CCDC197: variants seen among roughly 807,000 people sequenced by gnomAD.
The protein encoded by CCDC197 is coiled-coil domain containing 197.
Under a neutral mutation model 13.4 loss-of-function variants are expected in CCDC197, and 24 were observed. The ratio of observed to expected loss-of-function variants is 1.80; its 90% CI spans 1.30 to 2.53. The LOEUF (loss-of-function observed/expected upper bound fraction) is 2.53. Ranked by LOEUF, CCDC197 falls within the 30% of genes most tolerant of loss-of-function variation. CCDC197 has a pLI of 0.00. For missense variants in CCDC197, 255 were observed against 148.8 expected, an observed-to-expected ratio of 1.71 and a Z score of -3.71; for synonymous variants, 99 against 55.5, an observed-to-expected ratio of 1.78 and a Z score of -3.48.
In CCDC197 at chr14:94,003,865, C is replaced by T. The variant is rs987731720; in HGVS notation, c.498+511C>T. ...TCTGCCAAGAACCAGAGCCGGGATC[C>T]ACCGGCCCAGTCCCAGGGCTTGGTG... On this transcript the variant is annotated intron_variant, in intron 5 of 6. Transcript: ENST00000636493. This position sits in a 1 kb window ranked among gnomAD's most constrained non-coding sequence, Gnocchi z 5.0. 1.3e-5 allele frequency among the ~76,000 whole-genome samples: 2 copies of T among 152,172 alleles called. No individual in the cohort carries two copies. The highest frequency in any genetic ancestry group is 3.9e-4 in the East Asian group (2 of 5,188).
chr14:93,988,846 G>C (rs1184377361), intron 1 of CCDC197, among the ~76,000 whole-genome samples: 2 of 142,116 alleles, frequency 1.4e-5, no homozygotes, highest in African/African-American at 5.3e-5. Context: ...ATGGGAGGAG[G>C]GGATGGGAGG....
upstream of CCDC197, among the ~76,000 whole-genome samples, chr14:93,994,395 G>A (rs1890251046): frequency 6.6e-6 from 1 of 152,150 alleles, no homozygotes; most frequent in Non-Finnish European, 1.5e-5. Context: ...TCTGCAAAAT[G>A]GAGCAGTGCT....
Position 94,001,236 on chromosome 14 carries a change from G to A in CCDC197, c.279G>A (p.Gln93=), listed in dbSNP as rs763010876. Residue 93 remains glutamine (Q), a synonymous_variant, in exon 4 of 7, where the codon CAG becomes CAA. Coordinates refer to ENST00000636493, the MANE Select transcript of CCDC197 (RefSeq NM_001351596.2). ...TCTTCACAGCCAGCCAGGACACGCA[G>A]AAGCGCCTCGAGGCCTTCTGCCAGA... ...GKLFTASQDT[Q]KRLEAFCQMI... is the part of the protein sequence containing the mutation. The A allele has an allele frequency of 1.3e-6, 1 of 780,932 alleles. No homozygotes were observed. The highest frequency in any genetic ancestry group is 1.3e-5 in the South Asian group (1 of 74,608). 48.4% of individuals were successfully genotyped at this position (780,932 alleles called of 1,614,324 possible).
rs1052835483 is a variant in CCDC197 at position 94,003,452 on chromosome 14, C to T, written c.498+98C>T. 1.1e-4 allele frequency: 69 copies of T among 643,176 alleles called. No homozygotes were observed. The highest frequency in any genetic ancestry group is 5.7e-4 in the Admixed American group (27 of 46,958). The allele number at this position is 643,176 out of a possible 1,614,324, so 39.8% of individuals were successfully genotyped here. ...CCCAAAACACACAGACACATACGCACGCAGACACACACACACAGAGCCAGA... is the reference window on the plus strand; with the variant it reads ...CCCAAAACACACAGACACATACGCATGCAGACACACACACACAGAGCCAGA... On this transcript the variant is annotated intron_variant, in intron 5 of 6. Transcript: ENST00000636493. This position sits in a 1 kb window ranked among gnomAD's most constrained non-coding sequence, Gnocchi z 5.0.
chr14:94,002,231 T>C (rs576206472), intron 4 of CCDC197, among the ~76,000 whole-genome samples: 2 of 152,238 alleles, frequency 1.3e-5, no homozygotes, highest in East Asian at 3.9e-4. Flanking sequence ...TCTTTCTCTC[T>C]CTCTTTCTTT....
Position 94,008,756 on chromosome 14 carries a change from A to ACCCCCAGGACCC in CCDC197, c.766_777dup (p.Pro256_Pro259dup), listed in dbSNP as rs1399942441. 14 of 702,338 alleles carry ACCCCCAGGACCC rather than the reference A, an allele frequency of 2.0e-5. No individual in the cohort carries two copies. The East Asian group carries it at 3.5e-4, about 17-fold the overall frequency. The allele number at this position is 702,338 out of a possible 1,614,324, so 43.5% of individuals were successfully genotyped here. A position where few individuals can be genotyped will look rare whatever the true frequency, so the allele number is the denominator to read the frequency against. On this transcript the variant is annotated inframe_insertion, in exon 7 of 7. Coordinates refer to ENST00000636493, the MANE Select transcript of CCDC197 (RefSeq NM_001351596.2). ...GAAATGTCCAAGGAGGCGGGTTTCC[A>ACCCCCAGGACCC]CCCCCAGGACCCCCTTTCCCAGCCC...
At chr14:94,002,790 T>C (rs376345497) in intron 4 of CCDC197, among the ~76,000 whole-genome samples, 1 of 142,158 alleles carries the variant, frequency 7.0e-6, no homozygotes, top group African/African-American at 2.6e-5. Flanking sequence ...GAGGCGGAGG[T>C]CGCAGTAAGC....
intron 4 of CCDC197, among the ~76,000 whole-genome samples, chr14:94,002,354 T>A (rs1418080408): frequency 1.3e-5 from 2 of 152,070 alleles, no homozygotes; most frequent in Admixed American, 6.6e-5. Flanking sequence ...AGTGGAGTGA[T>A]CTCGGCTTAC....
Position 94,005,401 on chromosome 14 carries a change from A to G in CCDC197, c.615+430A>G, listed in dbSNP as rs557555561. 6.4e-4 allele frequency among the ~76,000 whole-genome samples: 97 copies of G among 152,300 alleles called. 2 individuals carry two copies. In the South Asian group the frequency reaches 0.019, roughly 31 times the overall value. ...AACAGGTATGATCACACTTACACAT[A>G]TGAGAACGCTGGCAGCGGGCATTTC... On this transcript the variant is annotated intron_variant, in intron 6 of 6. Transcript: ENST00000636493.
upstream of CCDC197, among the ~76,000 whole-genome samples, chr14:93,993,970 C>T (rs1309986008): frequency 6.6e-6 from 1 of 152,164 alleles, no homozygotes; most frequent in African/African-American, 2.4e-5. Flanking sequence ...TCCTTTCACC[C>T]TCCATGTAAG....
intron 1 of CCDC197, among the ~76,000 whole-genome samples, chr14:93,990,727 G>C (rs931492840): frequency 2.0e-5 from 3 of 152,222 alleles, no homozygotes; most frequent in Admixed American, 6.5e-5. Context: ...CTTGGCTGGA[G>C]AGCATTCAGG....
chr14:93,987,951 G>A (rs755254570), intron 1 of CCDC197, among the ~76,000 whole-genome samples: 5 of 144,218 alleles, frequency 3.5e-5, no homozygotes, highest in Non-Finnish European at 7.6e-5. Context: ...GGGAAGGAGG[G>A]AGTGGGGGAG....
At chr14:94,000,972 G>A in intron 3 of CCDC197, 173 bp from the exon 4 acceptor site, 1 of 457,924 alleles carries the variant, frequency 2.2e-6, no homozygotes. Flanking sequence ...GAGGGCGGGG[G>A]GGCGGGTGTG....
chr14:93,996,153 C>T (rs946099124), upstream of CCDC197, among the ~76,000 whole-genome samples: 1 of 152,144 alleles, frequency 6.6e-6, no homozygotes, highest in African/African-American at 2.4e-5. Flanking sequence ...GCAACCCCAG[C>T]CCCTGAGCTC....
At chr14:93,988,100 GT>G (rs1890132564) in intron 1 of CCDC197, among the ~76,000 whole-genome samples, 1 of 112,446 alleles carries the variant, frequency 8.9e-6, no homozygotes, top group African/African-American at 3.5e-5. Context: ...GAGGAAGGGG[GT>G]GGAAGGAGGG....
downstream of CCDC197, among the ~76,000 whole-genome samples, chr14:94,010,854 C>T (rs557248965): frequency 1.3e-5 from 2 of 152,218 alleles, no homozygotes; most frequent in East Asian, 3.9e-4. Context: ...CTAAAGTATC[C>T]CATTAATCTT....
intron 1 of CCDC197, among the ~76,000 whole-genome samples, chr14:93,991,618 T>C (rs1189525049): frequency 6.6e-6 from 1 of 152,178 alleles, no homozygotes; most frequent in Non-Finnish European, 1.5e-5. Context: ...CTTGACCTCA[T>C]GCAGATCACA....
chr14:93,991,814 C>G (rs561786580), intron 1 of CCDC197, among the ~76,000 whole-genome samples: 1 of 152,204 alleles, frequency 6.6e-6, no homozygotes, highest in Non-Finnish European at 1.5e-5. Flanking sequence ...GACTTGTGCT[C>G]CAGGCCGAGG....
chr14:94,005,433 T>TG (rs1890654818), intron 6 of CCDC197, among the ~76,000 whole-genome samples: 1 of 152,218 alleles, frequency 6.6e-6, no homozygotes, highest in Admixed American at 6.5e-5. Flanking sequence ...TTTCAGTGAC[T>TG]GAGGGAGCCT....
Sources: gnomAD v4.1 joint callset for allele counts (sites outside exome capture counted in the v4.1 genomes callset) on GRCh38, gnomAD v4.1.1 for gene constraint, Gnocchi (gnomAD v3.1) non-coding constraint, MANE v1.5 for transcripts, NCBI Gene and HGNC (gene_info 2026-07-23, HGNC 2026-07-21) for gene names.